Variants in HOOK3 observed in about 807,000 individuals in gnomAD.
HOOK3 encodes the protein protein Hook homolog 3.
A neutral mutation model predicts 116.3 loss-of-function variants in HOOK3; 24 were observed. That is an observed-to-expected ratio of 0.21 (90% CI 0.15 to 0.29). The LOEUF (loss-of-function observed/expected upper bound fraction) is 0.29, where lower values mean the gene tolerates loss of function less well. Ranked by LOEUF, HOOK3 falls within the 10% of genes least tolerant of loss-of-function variation. HOOK3 has a pLI of 1.00. For synonymous variants in HOOK3, 275 were observed against 283.0 expected (o/e 0.97, Z 0.28); for missense variants, 632 against 830.2 (o/e 0.76, Z 2.93).
chr8:42,920,680 T>C (rs1339834987), intron 2 of HOOK3, among the ~76,000 whole-genome samples: 1 of 152,250 alleles, frequency 6.6e-6, no homozygotes, highest in Non-Finnish European at 1.5e-5. Flanking sequence ...TTGCTAGAAC[T>C]GGTTATGTGT....
chr8:42,940,068 T>A (rs901101108), intron 4 of HOOK3, among the ~76,000 whole-genome samples: 4 of 151,938 alleles, frequency 2.6e-5, no homozygotes, highest in African/African-American at 9.7e-5. Context: ...GCTCCTCACT[T>A]CCCAGACGGG....
chr8:42,965,609 C>T (rs1186465161), intron 9 of HOOK3, among the ~76,000 whole-genome samples: 1 of 152,206 alleles, frequency 6.6e-6, no homozygotes, highest in Non-Finnish European at 1.5e-5. Flanking sequence ...TGCGTCATCA[C>T]TTGTTTCTTC....
chr8:42,977,963 T>C lies in HOOK3; in HGVS notation c.1321+3769T>C, dbSNP rs1446449020. On this transcript the variant is annotated intron_variant, in intron 13 of 21. Transcript: ENST00000307602. ...TTAAAAAGAAAACTGGTGTGTACTA[T>C]CATAAACATTGAATACCATCATAAT... 3.9e-5 allele frequency among the ~76,000 whole-genome samples: 6 copies of C among 152,128 alleles called. No homozygotes were observed. In the East Asian group the frequency reaches 1.2e-3, roughly 29 times the overall value.
intron 5 of HOOK3, among the ~76,000 whole-genome samples, chr8:42,947,669 A>T (rs1808254539): frequency 6.6e-6 from 1 of 151,976 alleles, no homozygotes. Flanking sequence ...CAAGTACATG[A>T]GTGTCTGAGT....
chr8:42,919,315 G>A (rs926279792), intron 2 of HOOK3, among the ~76,000 whole-genome samples: 10 of 147,184 alleles, frequency 6.8e-5, no homozygotes, highest in Non-Finnish European at 1.4e-4. Flanking sequence ...GGGTGGCGGC[G>A]GGGCAGAGAC....
intron 3 of HOOK3, among the ~76,000 whole-genome samples, chr8:42,927,560 C>T (rs1807793103): frequency 2.0e-5 from 3 of 152,014 alleles, no homozygotes; most frequent in South Asian, 4.1e-4. Context: ...CCGGCCGGCC[C>T]TGTTTTAATT....
intron 7 of HOOK3, among the ~76,000 whole-genome samples, chr8:42,958,762 C>G (rs1044076977): frequency 2.0e-5 from 3 of 152,014 alleles, no homozygotes; most frequent in African/African-American, 7.2e-5. Context: ...TATCCCTCCC[C>G]TTGCCTTGCC....
intron 1 of HOOK3, among the ~76,000 whole-genome samples, chr8:42,904,195 T>G (rs1395136774): frequency 6.6e-6 from 1 of 152,134 alleles, no homozygotes; most frequent in South Asian, 2.1e-4. Context: ...CCCAGTATTC[T>G]CATTGTCTGT....
chr8:42,935,877 C>CT (rs1333792834), intron 4 of HOOK3, among the ~76,000 whole-genome samples: 1 of 152,160 alleles, frequency 6.6e-6, no homozygotes, highest in African/African-American at 2.4e-5. Flanking sequence ...TATACTGGCT[C>CT]TTTTTTGGTT....
chr8:42,912,727 G>A (rs1196807077), intron 2 of HOOK3, among the ~76,000 whole-genome samples: 1 of 152,134 alleles, frequency 6.6e-6, no homozygotes, highest in Non-Finnish European at 1.5e-5. Context: ...TGGTATATTT[G>A]TTACAATAGA....
At chr8:42,926,939 C>T (rs73635357) in intron 3 of HOOK3, among the ~76,000 whole-genome samples, 4,690 of 152,274 alleles carry the variant, frequency 0.031, 263 homozygotes, top group African/African-American at 0.11. Flanking sequence ...AATTTGTTCT[C>T]CATCTCTGTG....
intron 2 of HOOK3, among the ~76,000 whole-genome samples, chr8:42,918,634 C>CAAGTA (rs1323348008): frequency 1.3e-5 from 2 of 151,996 alleles, no homozygotes; most frequent in African/African-American, 4.8e-5. Context: ...TGACTCTTAA[C>CAAGTA]GAGTATGCTG....
chr8:42,982,966 G>A (rs1273773962), intron 14 of HOOK3, among the ~76,000 whole-genome samples: 1 of 152,148 alleles, frequency 6.6e-6, no homozygotes, highest in South Asian at 2.1e-4. Flanking sequence ...CAGACATTAA[G>A]CAATGAATAC....
intron 5 of HOOK3, among the ~76,000 whole-genome samples, chr8:42,944,955 A>C (rs911018792): frequency 2.0e-5 from 3 of 152,190 alleles, no homozygotes; most frequent in Non-Finnish European, 2.9e-5. Flanking sequence ...CCCCATTTTA[A>C]GCTCCCAGAG....
intron 19 of HOOK3, among the ~76,000 whole-genome samples, chr8:43,011,245 G>T (rs901492110): frequency 1.3e-5 from 2 of 152,010 alleles, no homozygotes; most frequent in Non-Finnish European, 2.9e-5. Context: ...CGCCCGCCTC[G>T]GCCTCCCAAA....
chr8:42,908,152 A>G (rs1039235506), intron 2 of HOOK3, among the ~76,000 whole-genome samples: 2 of 152,234 alleles, frequency 1.3e-5, no homozygotes, highest in East Asian at 3.8e-4. Flanking sequence ...ACTGTAAAAC[A>G]TTGATGAAAG....
chr8:43,022,293 C>G lies in HOOK3; in HGVS notation c.*3795C>G, dbSNP rs1394908220. The G allele has an allele frequency of 4.8e-6, 1 of 207,346 alleles. No homozygotes were observed. Among genetic ancestry groups the G allele is most frequent in the East Asian group, 7.2e-5 (1 of 13,798 alleles). The allele number at this position is 207,346 out of a possible 1,614,324, so 12.8% of individuals were successfully genotyped here. A position where few individuals can be genotyped will look rare whatever the true frequency, so the allele number is the denominator to read the frequency against. Reference sequence around the variant, plus strand: ...TCTGGAAATTTAAAGTCACTAGGAGCTTTGCCTCATCGTGAGTGATGCTGT... The same window carrying G: ...TCTGGAAATTTAAAGTCACTAGGAGGTTTGCCTCATCGTGAGTGATGCTGT... On this transcript the variant is annotated 3_prime_UTR_variant, in exon 22 of 22. Transcript: ENST00000307602.
At chr8:42,988,347 A>T (rs16891663) in intron 15 of HOOK3, among the ~76,000 whole-genome samples, 19,759 of 152,068 alleles carry the variant, frequency 0.13, 1,765 homozygotes, top group African/African-American at 0.25. Context: ...GCCATTTTAG[A>T]CAGAAAAGTC....
intron 8 of HOOK3, 68 bp from the exon 9 acceptor site, chr8:42,964,243 T>C: frequency 6.8e-7 from 1 of 1,465,196 alleles, no homozygotes; most frequent in African/African-American, 1.4e-5. Flanking sequence ...TAATGGTAAT[T>C]CACAAGTGAT....
Sources: gnomAD v4.1 joint callset for allele counts (sites outside exome capture counted in the v4.1 genomes callset) on GRCh38, gnomAD v4.1.1 for gene constraint, MANE v1.5 for transcripts, NCBI Gene and HGNC (gene_info 2026-07-23, HGNC 2026-07-21) for gene names.